Variants in DPF3 observed in about 807,000 individuals in gnomAD.
DPF3 encodes double PHD fingers 3.
DPF3 carries 18 observed loss-of-function variants against 56.8 expected under a neutral mutation model. The observed-to-expected ratio is 0.32, with a 90% CI of 0.22 to 0.47. The LOEUF (loss-of-function observed/expected upper bound fraction) is 0.47. Among genes scored for constraint, DPF3 ranks in the 20% least tolerant of loss-of-function variants. The probability of loss-of-function intolerance (pLI) is 1.00; values close to 1 mark genes in which losing one functional copy is unlikely to be tolerated. For synonymous variants in DPF3, 188 were observed against 180.2 expected (o/e 1.04, Z -0.35); for missense variants, 403 against 488.8 (o/e 0.82, Z 1.65).
intron 8 of DPF3, chr14:72,661,725 GC>G (rs1886220804): frequency 1.0e-6 from 1 of 985,436 alleles, no homozygotes; most frequent in Non-Finnish European, 1.2e-6. Context: ...GGCCTTCCTA[GC>G]CCTTGGGGAC....
intron 8 of DPF3, among the ~76,000 whole-genome samples, chr14:72,669,336 T>G (rs1035605806): frequency 1.3e-5 from 2 of 152,232 alleles, no homozygotes; most frequent in Admixed American, 6.5e-5. Flanking sequence ...CCAACCCATG[T>G]CAAATGGTTC....
At chr14:72,703,032 G>T (rs1163576420) in intron 6 of DPF3, among the ~76,000 whole-genome samples, 1 of 152,118 alleles carries the variant, frequency 6.6e-6, no homozygotes, top group Non-Finnish European at 1.5e-5. Flanking sequence ...AGAATATGGG[G>T]GTTGGATCAG....
intron 1 of DPF3, among the ~76,000 whole-genome samples, chr14:72,828,190 A>G (rs1883894634): frequency 6.6e-6 from 1 of 152,122 alleles, no homozygotes; most frequent in Non-Finnish European, 1.5e-5. Flanking sequence ...TTTCTACTCA[A>G]CAAACAGTGG....
chr14:72,881,911 C>G (rs1333653850), intron 1 of DPF3, among the ~76,000 whole-genome samples: 2 of 151,912 alleles, frequency 1.3e-5, no homozygotes, highest in African/African-American at 4.8e-5. Context: ...TAAAGTTATT[C>G]TTTGGAGAGG....
intron 2 of DPF3, among the ~76,000 whole-genome samples, chr14:72,763,903 A>C (rs1239665816): frequency 7.2e-5 from 11 of 152,240 alleles, no homozygotes; most frequent in Admixed American, 5.2e-4. Context: ...AAATAGCTCA[A>C]TTTTAAAATG....
At chr14:72,882,800 CT>C (rs549960884) in intron 1 of DPF3, among the ~76,000 whole-genome samples, 159 of 152,148 alleles carry the variant, frequency 1.0e-3, no homozygotes, top group African/African-American at 3.5e-3. Flanking sequence ...GTTGCCGCCC[CT>C]CTCCCCACTC....
At chr14:72,759,508 AAG>A (rs34502740) in intron 2 of DPF3, among the ~76,000 whole-genome samples, 157 of 147,324 alleles carry the variant, frequency 1.1e-3, no homozygotes, top group African/African-American at 1.3e-3. Flanking sequence ...GTCTCCACAA[AAG>A]AGAGAGAGAG....
At chr14:72,836,419 T>TA (rs570003357) in intron 1 of DPF3, 61 of 985,412 alleles carry the variant, frequency 6.2e-5, no homozygotes, top group Admixed American at 3.7e-4. Flanking sequence ...AGCCACTGGA[T>TA]AAGCGCACCC....
At chr14:72,862,756 C>A (rs955381266) in intron 1 of DPF3, among the ~76,000 whole-genome samples, 1 of 152,142 alleles carries the variant, frequency 6.6e-6, no homozygotes, top group African/African-American at 2.4e-5. Context: ...TCTCAGGGAG[C>A]TTTTCCCCCA....
intron 1 of DPF3, chr14:72,773,931 A>T (rs1188072187): frequency 1.3e-5 from 6 of 455,496 alleles, no homozygotes; most frequent in South Asian, 9.3e-5. Flanking sequence ...GGTTGCTTCC[A>T]CATTTTAGCT....
chr14:72,722,271 G>A (rs937167156), intron 5 of DPF3, among the ~76,000 whole-genome samples: 1 of 152,210 alleles, frequency 6.6e-6, no homozygotes, highest in Non-Finnish European at 1.5e-5. Flanking sequence ...GCTAAGTGAT[G>A]AGGCTGGTCC....
intron 7 of DPF3, among the ~76,000 whole-genome samples, chr14:72,678,026 C>A (rs748672150): frequency 6.6e-6 from 1 of 152,224 alleles, no homozygotes; most frequent in African/African-American, 2.4e-5. Context: ...AAAACTGTGG[C>A]AAATCTTTTG....
At chr14:72,853,980 C>T (rs769453165) in intron 1 of DPF3, among the ~76,000 whole-genome samples, 6 of 152,194 alleles carry the variant, frequency 3.9e-5, no homozygotes, top group African/African-American at 7.2e-5. Context: ...ACTTCCTTAA[C>T]GATGACTTGA....
chr14:72,781,324 G>A (rs1436552350), intron 1 of DPF3, among the ~76,000 whole-genome samples: 1 of 152,218 alleles, frequency 6.6e-6, no homozygotes, highest in African/African-American at 2.4e-5. Context: ...GACATCCTTA[G>A]TCATTCTGTG....
At chr14:72,870,418 C>T (rs560525962) in intron 1 of DPF3, among the ~76,000 whole-genome samples, 3 of 152,320 alleles carry the variant, frequency 2.0e-5, no homozygotes, top group East Asian at 3.9e-4. Flanking sequence ...AGTCCAGTCA[C>T]CTTACAGAGA....
intron 6 of DPF3, among the ~76,000 whole-genome samples, chr14:72,713,811 C>G (rs1888764608): frequency 6.6e-6 from 1 of 152,210 alleles, no homozygotes; most frequent in South Asian, 2.1e-4. Context: ...CGTGGGCTCC[C>G]TAGCTCTGTC....
At chr14:72,675,028 C>G (rs1886849650) in intron 7 of DPF3, among the ~76,000 whole-genome samples, 1 of 152,194 alleles carries the variant, frequency 6.6e-6, no homozygotes, top group South Asian at 2.1e-4. Flanking sequence ...CAGAACTAGA[C>G]CCAGGCTTCT....
chr14:72,796,012 C>T (rs1892632570), intron 1 of DPF3, among the ~76,000 whole-genome samples: 1 of 152,206 alleles, frequency 6.6e-6, no homozygotes, highest in African/African-American at 2.4e-5. Flanking sequence ...TGTGTATGTA[C>T]AAACTGAGGC....
At chr14:72,859,470 C>CCG (rs60723607) in intron 1 of DPF3, among the ~76,000 whole-genome samples, 2 of 19,206 alleles carry the variant, frequency 1.0e-4, no homozygotes, top group Non-Finnish European at 1.3e-4. Context: ...GCAGCTTCCT[C>CCG]CCCCCCCCCC....
Sources: gnomAD v4.1 joint callset for allele counts (sites outside exome capture counted in the v4.1 genomes callset) on GRCh38, gnomAD v4.1.1 for gene constraint, MANE v1.5 for transcripts, NCBI Gene and HGNC (gene_info 2026-07-23, HGNC 2026-07-21) for gene names.